The following SORCS1 variants were observed in gnomAD, a reference collection of about 807,000 sequenced individuals.
SORCS1 encodes sortilin related VPS10 domain containing receptor 1, also known as VPS10 domain-containing receptor SorCS1.
SORCS1 carries 60 observed loss-of-function variants against 146.1 expected under a neutral mutation model. The ratio of observed to expected loss-of-function variants is 0.41; its 90% confidence interval spans 0.33 to 0.51. The LOEUF is 0.51. Among genes scored for constraint, SORCS1 ranks in the 20% least tolerant of loss-of-function variants. The probability of loss-of-function intolerance (pLI) is 0.21; values close to 1 mark genes in which losing one functional copy is unlikely to be tolerated. For missense variants in SORCS1, 1,352 were observed against 1,487.6 expected (o/e 0.91, Z 1.50); for synonymous variants, 637 against 584.0 (o/e 1.09, Z -1.31).
chr10:107,071,335 G>A (rs538222148), intron 1 of SORCS1, among the ~76,000 whole-genome samples: 2 of 151,570 alleles, frequency 1.3e-5, no homozygotes, highest in East Asian at 1.9e-4. Context: ...AAGCTTTTAC[G>A]GGCCAGGGCT....
intron 14 of SORCS1, among the ~76,000 whole-genome samples, chr10:106,674,351 A>AAAAAAAAAAAAAAG (rs1851861137): frequency 6.9e-6 from 1 of 144,876 alleles, no homozygotes; most frequent in African/African-American, 2.5e-5. Context: ...AAAAAAAAAA[A>AAAAAAAAAAAAAAG]AAAAAAGTAG....
Position 106,895,951 on chromosome 10 carries a change from G to GTATATATA in SORCS1, c.626+60554_626+60561dup, listed in dbSNP as rs57578016. On this transcript the variant is annotated intron_variant, in intron 2 of 25. Coordinates refer to ENST00000263054, the MANE Select transcript of SORCS1 (RefSeq NM_052918.5). The stretch of plus-strand genomic sequence containing the variant: ...CAAACATATATATATGTGTGTGTGT[G>GTATATATA]TATATATATATATGCCTACATACAT... 3.6e-3 allele frequency among the ~76,000 whole-genome samples: 544 copies of GTATATATA among 150,958 alleles called. 1 individual carries two copies. The highest frequency in any genetic ancestry group is 9.6e-3 in the African/African-American group (393 of 41,114).
At chr10:107,140,127 T>G (rs1329115882) in intron 1 of SORCS1, among the ~76,000 whole-genome samples, 1 of 152,246 alleles carries the variant, frequency 6.6e-6, no homozygotes, top group Non-Finnish European at 1.5e-5. Flanking sequence ...CAGCCAGTCA[T>G]GTTTTTCTGT....
chr10:107,145,534 T>C (rs1466693434), intron 1 of SORCS1, among the ~76,000 whole-genome samples: 2 of 152,160 alleles, frequency 1.3e-5, no homozygotes, highest in African/African-American at 4.8e-5. Flanking sequence ...CCAAGTGTTT[T>C]AAGAAAGAAA....
intron 1 of SORCS1, among the ~76,000 whole-genome samples, chr10:107,014,168 C>T (rs1957795265): frequency 6.7e-6 from 1 of 149,830 alleles, no homozygotes; most frequent in African/African-American, 2.5e-5. Flanking sequence ...AGGAGAATTG[C>T]TTGAACCTGG....
chr10:107,165,826 C>T (rs1342505471), upstream of SORCS1, among the ~76,000 whole-genome samples: 1 of 152,188 alleles, frequency 6.6e-6, no homozygotes, highest in Admixed American at 6.5e-5. The surrounding 1 kb of genome is among the most constrained non-coding windows in gnomAD (Gnocchi z 4.0). Flanking sequence ...AATCTGTCAG[C>T]TTCCTAAGCT....
chr10:106,840,859 ATATATTTT>A (rs1438837405), intron 2 of SORCS1, among the ~76,000 whole-genome samples: 3 of 106,766 alleles, frequency 2.8e-5, no homozygotes, highest in Admixed American at 2.0e-4. Flanking sequence ...ATATATATAT[ATATATTTT>A]TTTTTTTTGG....
Position 106,926,864 on chromosome 10 carries a change from CACAGAGAGAG to C in SORCS1, c.626+29639_626+29648del, listed in dbSNP as rs1365124637. ...ACACACACACACACACACACACACACACAGAGAGAGAGAGAGAGAGAGAGAGAGAGAGAGA... is the reference window on the plus strand; with the variant it reads ...ACACACACACACACACACACACACACAGAGAGAGAGAGAGAGAGAGAGAGA... On this transcript the variant is annotated intron_variant, in intron 2 of 25. Transcript: ENST00000263054. Among the ~76,000 whole-genome samples the C allele has an allele frequency of 3.1e-3, 219 of 70,716 alleles. 1 individual carries two copies. The highest frequency in any genetic ancestry group is 0.017 in the African/African-American group (215 of 12,444). 46.4% of individuals were successfully genotyped at this position (70,716 alleles called of 152,430 possible). A position where few individuals can be genotyped will look rare whatever the true frequency, so the allele number is the denominator to read the frequency against.
At chr10:106,899,862 T>A (rs1046473519) in intron 2 of SORCS1, among the ~76,000 whole-genome samples, 3 of 152,110 alleles carry the variant, frequency 2.0e-5, no homozygotes, top group African/African-American at 4.8e-5. Context: ...CAGGGTTACA[T>A]GTAAATAGCA....
At chr10:106,806,092 G>A (rs543508457) in intron 3 of SORCS1, among the ~76,000 whole-genome samples, 30 of 148,410 alleles carry the variant, frequency 2.0e-4, no homozygotes, top group African/African-American at 6.7e-4. Flanking sequence ...GGAGTAGGCC[G>A]GGCACGGTGG....
At chr10:107,086,655 A>G (rs1169282829) in intron 1 of SORCS1, among the ~76,000 whole-genome samples, 2 of 152,212 alleles carry the variant, frequency 1.3e-5, no homozygotes, top group African/African-American at 4.8e-5. Context: ...TCATATAGCC[A>G]TTAGTTGTAT....
intron 2 of SORCS1, among the ~76,000 whole-genome samples, chr10:106,834,703 T>C (rs1948712450): frequency 6.6e-6 from 1 of 152,158 alleles, no homozygotes; most frequent in Non-Finnish European, 1.5e-5. Flanking sequence ...AAGGAAAGGA[T>C]CTTAAAATGT....
chr10:106,776,572 G>C lies in SORCS1; in HGVS notation c.847C>G (p.Gln283Glu). 1 of 1,614,034 alleles carries C rather than the reference G, an allele frequency of 6.2e-7. No individual in the cohort carries two copies. The highest frequency in any genetic ancestry group is 8.5e-7 in the Non-Finnish European group (1 of 1,179,932). ...CTGTATGCCAGAATCCAGTCTTCTT[G>C]TTTGGGGTGAAAAAGCAAGCTTTGA... is the stretch of plus-strand genomic sequence containing the variant. Reference protein sequence around the residue: ...YIQSLLFHPKQEDWILAYSQD... With the variant: ...YIQSLLFHPKEEDWILAYSQD... The change falls in exon 4 of 26, where the codon CAA becomes GAA. Residue 283 changes from glutamine (Q) to glutamate (E), a missense_variant. Gln to Glu is a conservative substitution (Grantham distance 29). Transcript: ENST00000263054.
At chr10:107,162,527 C>CGGTT (rs1662351645) in intron 1 of SORCS1, among the ~76,000 whole-genome samples, 1 of 152,126 alleles carries the variant, frequency 6.6e-6, no homozygotes, top group African/African-American at 2.4e-5. Flanking sequence ...TTGATCAAAC[C>CGGTT]ACTCCTGAGA....
At chr10:107,160,926 G>A (rs1969652048) in intron 1 of SORCS1, among the ~76,000 whole-genome samples, 1 of 152,154 alleles carries the variant, frequency 6.6e-6, no homozygotes, top group Admixed American at 6.5e-5. Context: ...CCTGGGATGA[G>A]TAGGGTGGGA....
chr10:106,893,483 A>G (rs1035743616), intron 2 of SORCS1, among the ~76,000 whole-genome samples: 1 of 152,220 alleles, frequency 6.6e-6, no homozygotes, highest in Non-Finnish European at 1.5e-5. Context: ...CACCTAGCAC[A>G]ATGCCTGGCA....
chr10:106,734,047 A>C (rs1336200241), intron 5 of SORCS1, among the ~76,000 whole-genome samples: 1 of 152,194 alleles, frequency 6.6e-6, no homozygotes, highest in African/African-American at 2.4e-5. Flanking sequence ...ATTTACTAAC[A>C]TCCAATACAG....
intron 1 of SORCS1, among the ~76,000 whole-genome samples, chr10:107,037,805 T>G (rs1208353027): frequency 2.6e-5 from 4 of 152,164 alleles, no homozygotes; most frequent in Non-Finnish European, 4.4e-5. Context: ...GTGCTTTGTT[T>G]TGAGGTCACT....
At position 107,032,431 on chromosome 10, in the gene SORCS1, G is replaced by T. The variant is rs1187527972; in HGVS notation, c.559-75851C>A. 2.0e-5 allele frequency among the ~76,000 whole-genome samples: 3 copies of T among 151,870 alleles called. No homozygotes were observed. The East Asian group carries it at 5.8e-4, about 29-fold the overall frequency. ...TACCTGCATTTTTTTCCTTTCTTTC[G>T]CTCTTCAGTTCACATTCTGGGTAGA... On this transcript the variant is annotated intron_variant, in intron 1 of 25. Coordinates refer to ENST00000263054, the MANE Select transcript of SORCS1 (RefSeq NM_052918.5).
Sources: allele counts gnomAD v4.1 joint callset (sites outside exome capture counted in the v4.1 genomes callset), GRCh38; gene constraint gnomAD v4.1.1; non-coding constraint Gnocchi (gnomAD v3.1); transcripts MANE v1.5; gene names NCBI Gene and HGNC (gene_info 2026-07-23, HGNC 2026-07-21).